Variants in ZEB1 observed in about 807,000 individuals in gnomAD.
ZEB1 encodes the protein zinc finger E-box-binding homeobox 1.
In ZEB1, 21 loss-of-function variants were observed where a neutral mutation model predicts 84.9. The observed-to-expected ratio is 0.25, with a 90% CI of 0.18 to 0.36. The LOEUF is 0.36. Ranked by LOEUF, ZEB1 falls within the 10% of genes least tolerant of loss-of-function variation. The pLI is 1.00. For missense variants in ZEB1, 1,104 were observed against 1,330.2 expected (o/e 0.83, Z 2.65); for synonymous variants, 420 against 471.1 (o/e 0.89, Z 1.41).
At chr10:31,470,256 A>G (rs1415437643) in intron 2 of ZEB1, among the ~76,000 whole-genome samples, 2 of 151,840 alleles carry the variant, frequency 1.3e-5, no homozygotes, top group Non-Finnish European at 1.5e-5. Context: ...CAGACGATCA[A>G]ATTACTCTGA....
Position 31,404,282 on chromosome 10 carries a change from A to G in ZEB1, c.59-56755A>G, listed in dbSNP as rs535904775. ...AGTGATTCTTTTTCTTGTTTCTAAA[A>G]GAATAAATGAATAGTTTTTTGTTAA... On this transcript the variant is annotated intron_variant, in intron 1 of 8. Coordinates refer to ENST00000424869, the MANE Select transcript of ZEB1 (RefSeq NM_001174096.2). Among the ~76,000 whole-genome samples the G allele has an allele frequency of 3.0e-4, 46 of 152,162 alleles. 1 individual carries two copies. In the South Asian group the frequency reaches 9.5e-3, roughly 32 times the overall value.
intron 1 of ZEB1, chr10:31,321,891 T>TGTCA (rs2034170181): frequency 3.5e-6 from 1 of 283,810 alleles, no homozygotes. Flanking sequence ...CCTGCATGTA[T>TGTCA]GTCAGCCCCC....
intron 1 of ZEB1, 112 bp from the exon 2 acceptor site, chr10:31,460,925 A>G: frequency 1.1e-6 from 1 of 901,202 alleles, no homozygotes. Flanking sequence ...ATTATTTAAA[A>G]GAAAACATTG....
upstream of ZEB1, chr10:31,319,083 C>T: frequency 2.9e-6 from 2 of 678,448 alleles, no homozygotes; most frequent in Admixed American, 4.1e-5. Flanking sequence ...GAGCGAGAGC[C>T]TCTAGGTGTA....
At chr10:31,497,206 G>T (rs2139064479) in intron 3 of ZEB1, among the ~76,000 whole-genome samples, 1 of 152,094 alleles carries the variant, frequency 6.6e-6, no homozygotes, top group African/African-American at 2.4e-5. Flanking sequence ...GTTAAACTTT[G>T]ATGACTTATA....
intron 1 of ZEB1, among the ~76,000 whole-genome samples, chr10:31,342,123 A>C (rs2039493185): frequency 6.6e-6 from 1 of 152,194 alleles, no homozygotes; most frequent in Non-Finnish European, 1.5e-5. Flanking sequence ...GTTCCATAAG[A>C]GCAAGGTGGG....
At chr10:31,514,748 C>T in intron 6 of ZEB1, 40 bp downstream of exon 6, 2 of 1,436,588 alleles carry the variant, frequency 1.4e-6, no homozygotes, top group Non-Finnish European at 2.0e-6. Flanking sequence ...AATATCATAG[C>T]ATATGTGGTA....
chr10:31,351,724 T>C (rs2041345821), intron 1 of ZEB1, among the ~76,000 whole-genome samples: 1 of 152,194 alleles, frequency 6.6e-6, no homozygotes, highest in Admixed American at 6.5e-5. Context: ...TCTGATATCC[T>C]TCAGAGGTTA....
At position 31,527,146 on chromosome 10, in the gene ZEB1, A is replaced by G; in HGVS notation, c.3260A>G (p.Glu1087Gly). 1 of 1,609,732 alleles carries G rather than the reference A, an allele frequency of 6.2e-7. No individual in the cohort carries two copies. The highest frequency in any genetic ancestry group is 8.5e-7 in the Non-Finnish European group (1 of 1,177,734). The change falls in exon 9 of 9, where the codon GAA becomes GGA. Residue 1087 changes from glutamate (E) to glycine (G), a missense_variant. Around this residue, in one of 7 missense-constraint regions of ZEB1, gnomAD observed 173 missense variants for 167.0 expected, o/e 1.04. Transcript: ENST00000424869. ...EVEEAENEGE[E>G]AKTEGLMKDD... Reference sequence around the variant, plus strand: ...GAAGAGGCAGAGAATGAGGGAGAAGAAGCAAAAACTGAAGGTCTGATGAAG... The same window carrying G: ...GAAGAGGCAGAGAATGAGGGAGAAGGAGCAAAAACTGAAGGTCTGATGAAG...
At chr10:31,518,090 T>A (rs932845963) in intron 6 of ZEB1, among the ~76,000 whole-genome samples, 1 of 152,188 alleles carries the variant, frequency 6.6e-6, no homozygotes, top group African/African-American at 2.4e-5. Context: ...AAAATAAGCA[T>A]GTAGTTCATG....
intron 6 of ZEB1, among the ~76,000 whole-genome samples, chr10:31,516,539 T>TAAAAAAAAAAAA (rs71027029): frequency 5.9e-5 from 2 of 34,028 alleles, no homozygotes; most frequent in African/African-American, 9.9e-5. Context: ...TGTCTGTAAG[T>TAAAAAAAAAAAA]AAAAAAAAAA....
chr10:31,414,547 C>G (rs2054876194), intron 1 of ZEB1, among the ~76,000 whole-genome samples: 1 of 152,120 alleles, frequency 6.6e-6, no homozygotes, highest in African/African-American at 2.4e-5. Flanking sequence ...CTACATGCAA[C>G]TGATTATAGT....
At chr10:31,524,142 T>C (rs924973544) in intron 8 of ZEB1, 29 bp downstream of exon 8, 33 of 1,604,584 alleles carry the variant, frequency 2.1e-5, no homozygotes, top group East Asian at 4.5e-5. Context: ...ACATAAAGTG[T>C]CCATGATATG....
chr10:31,458,756 G>T (rs994595261), intron 1 of ZEB1, among the ~76,000 whole-genome samples: 2 of 151,866 alleles, frequency 1.3e-5, no homozygotes, highest in African/African-American at 4.8e-5. Context: ...ATATTTACAA[G>T]AAAAATTATG....
chr10:31,369,978 T>TG (rs1242157042), intron 1 of ZEB1, among the ~76,000 whole-genome samples: 1 of 152,246 alleles, frequency 6.6e-6, no homozygotes, highest in African/African-American at 2.4e-5. Flanking sequence ...CATTTTTTCT[T>TG]GTACTAGTTG....
intron 1 of ZEB1, among the ~76,000 whole-genome samples, chr10:31,324,151 A>C (rs1231910180): frequency 1.3e-5 from 2 of 152,010 alleles, no homozygotes; most frequent in African/African-American, 4.8e-5. Context: ...AGCAAAACTT[A>C]AAGTATCTTA....
chr10:31,449,391 G>A (rs1281509274), intron 1 of ZEB1, among the ~76,000 whole-genome samples: 1 of 152,214 alleles, frequency 6.6e-6, no homozygotes, highest in African/African-American at 2.4e-5. Flanking sequence ...CTCACGCTGG[G>A]AGCTGTAGAC....
intron 2 of ZEB1, among the ~76,000 whole-genome samples, chr10:31,490,944 C>A (rs997152488): frequency 4.6e-5 from 7 of 151,832 alleles, no homozygotes; most frequent in Admixed American, 1.3e-4. Context: ...CTTTTCAAAG[C>A]CTTTGAAATG....
At chr10:31,421,680 G>C (rs1358039294) in intron 1 of ZEB1, among the ~76,000 whole-genome samples, 1 of 151,980 alleles carries the variant, frequency 6.6e-6, no homozygotes, top group Non-Finnish European at 1.5e-5. Flanking sequence ...CCTATCTCCA[G>C]TGTCCATCCT....
Sources: gnomAD v4.1 joint callset for allele counts (sites outside exome capture counted in the v4.1 genomes callset) on GRCh38, gnomAD v4.1.1 for gene constraint, gnomAD v4.1.1 regional missense constraint, MANE v1.5 for transcripts, NCBI Gene and HGNC (gene_info 2026-07-23, HGNC 2026-07-21) for gene names.